RBM20: variants seen among roughly 807,000 people sequenced by gnomAD.
RBM20 encodes the protein RNA binding motif protein 20.
Under a neutral mutation model 110.1 loss-of-function variants are expected in RBM20, and 51 were observed. That is an observed-to-expected ratio of 0.46 (90% CI 0.37 to 0.59). RBM20 has a LOEUF of 0.59. Ranked by LOEUF, RBM20 falls within the 20% of genes least tolerant of loss-of-function variation. RBM20 has a pLI of 0.00. For synonymous variants in RBM20, 589 were observed against 618.2 expected (o/e 0.95, Z 0.70); for missense variants, 1,512 against 1,574.9 (o/e 0.96, Z 0.68).
intron 1 of RBM20, among the ~76,000 whole-genome samples, chr10:110,716,951 A>C (rs1436619679): frequency 6.6e-6 from 1 of 152,152 alleles, no homozygotes; most frequent in Non-Finnish European, 1.5e-5. Flanking sequence ...AAAACATGGA[A>C]AATTTGAATT....
At chr10:110,785,478 C>A (rs769733512) in intron 5 of RBM20, among the ~76,000 whole-genome samples, 1 of 152,140 alleles carries the variant, frequency 6.6e-6, no homozygotes, top group Non-Finnish European at 1.5e-5. Context: ...ATCACTTGAA[C>A]CCGGGAGGCA....
chr10:110,692,865 T>G (rs1484374397), intron 1 of RBM20, among the ~76,000 whole-genome samples: 2 of 150,736 alleles, frequency 1.3e-5, no homozygotes, highest in African/African-American at 4.8e-5. Flanking sequence ...TTTTGTTTTG[T>G]TTTACCATTG....
chr10:110,761,848 T>C (rs1436238565), intron 1 of RBM20, among the ~76,000 whole-genome samples: 2 of 152,226 alleles, frequency 1.3e-5, no homozygotes, highest in Non-Finnish European at 2.9e-5. Flanking sequence ...GGGGGCCAGG[T>C]GTGCCATGTG....
intron 10 of RBM20, among the ~76,000 whole-genome samples, chr10:110,820,382 A>G (rs1235149850): frequency 2.0e-5 from 3 of 152,158 alleles, no homozygotes; most frequent in African/African-American, 4.8e-5. Context: ...ATCTTTACCC[A>G]CATGTCTGGG....
intron 7 of RBM20, among the ~76,000 whole-genome samples, chr10:110,800,672 C>A (rs1844610924): frequency 6.6e-6 from 1 of 152,218 alleles, no homozygotes; most frequent in Non-Finnish European, 1.5e-5. Flanking sequence ...TCTCTACTCT[C>A]CTGACTTCAA....
intron 1 of RBM20, among the ~76,000 whole-genome samples, chr10:110,748,112 A>G (rs946114358): frequency 2.6e-5 from 4 of 152,130 alleles, no homozygotes; most frequent in Non-Finnish European, 5.9e-5. Context: ...AGTAGTGTTA[A>G]CTTTTTTTTT....
intron 1 of RBM20, chr10:110,761,259 A>G (rs569936567): frequency 1.3e-5 from 2 of 152,322 alleles, no homozygotes; most frequent in Non-Finnish European, 2.9e-5. Flanking sequence ...AAAAGGAAAG[A>G]AGGGAAAAAA....
chr10:110,716,366 C>T (rs1012921249), intron 1 of RBM20, among the ~76,000 whole-genome samples: 19 of 152,222 alleles, frequency 1.2e-4, no homozygotes, highest in Non-Finnish European at 2.5e-4. Context: ...GCTCTGTAGG[C>T]CTATATGGAG....
chr10:110,764,001 G>A (rs1238293676), intron 1 of RBM20, among the ~76,000 whole-genome samples: 3 of 152,052 alleles, frequency 2.0e-5, no homozygotes, highest in Admixed American at 6.5e-5. Context: ...TACCCTGGGG[G>A]CCAAAATCAT....
chr10:110,702,995 T>G (rs1404349994), intron 1 of RBM20, among the ~76,000 whole-genome samples: 1 of 147,264 alleles, frequency 6.8e-6, no homozygotes, highest in African/African-American at 2.5e-5. Flanking sequence ...TTTCTTGTTT[T>G]TTTTTTTGTT....
rs140797185 is a variant in RBM20, at chr10:110,669,150, A to G, written c.191+24505A>G. 5.5e-3 allele frequency among the ~76,000 whole-genome samples: 842 copies of G among 152,378 alleles called. 6 individuals are homozygous for G. Among genetic ancestry groups the G allele is most frequent in the Middle Eastern group, 0.014 (4 of 294 alleles). On this transcript the variant is annotated intron_variant, in intron 1 of 13. Transcript: ENST00000369519. ...AATAGCAGCAAAGCCATGATGGAGA[A>G]TAAGCAGAAGATTAATTTAAAATAC... is the stretch of plus-strand genomic sequence containing the variant.
intron 1 of RBM20, among the ~76,000 whole-genome samples, chr10:110,770,137 A>AC (rs1370488469): frequency 1.3e-5 from 2 of 152,000 alleles, no homozygotes; most frequent in African/African-American, 4.8e-5. Context: ...TTCACGCTCC[A>AC]CCCCCAGATC....
chr10:110,815,519 G>C (rs1413015741), intron 9 of RBM20, among the ~76,000 whole-genome samples: 1 of 152,222 alleles, frequency 6.6e-6, no homozygotes, highest in African/African-American at 2.4e-5. Context: ...AGGTGTCCAA[G>C]TTGCTGGTGA....
At chr10:110,752,945 A>ATATATATATATAT (rs1433992064) in intron 1 of RBM20, among the ~76,000 whole-genome samples, 6 of 109,012 alleles carry the variant, frequency 5.5e-5, no homozygotes, top group African/African-American at 1.9e-4. Context: ...ATATATATAT[A>ATATATATATATAT]TTTTTTTTTT....
At chr10:110,698,231 C>G (rs1379623911) in intron 1 of RBM20, among the ~76,000 whole-genome samples, 1 of 142,002 alleles carries the variant, frequency 7.0e-6, no homozygotes, top group African/African-American at 2.5e-5. Context: ...TTAGTTATCA[C>G]AGGCCCTATG....
chr10:110,730,847 A>G (rs1161196822), intron 1 of RBM20, among the ~76,000 whole-genome samples: 1 of 152,220 alleles, frequency 6.6e-6, no homozygotes, highest in Non-Finnish European at 1.5e-5. Flanking sequence ...ATCAGGAAGA[A>G]GGAGGAGGGA....
intron 2 of RBM20, among the ~76,000 whole-genome samples, chr10:110,782,350 G>C (rs184782433): frequency 1.8e-4 from 27 of 152,256 alleles, no homozygotes; most frequent in East Asian, 7.7e-4. Context: ...TTATTATAGA[G>C]AGCCTCAGCT....
intron 1 of RBM20, among the ~76,000 whole-genome samples, chr10:110,712,345 C>A (rs10509928): frequency 0.1 from 15,919 of 152,226 alleles, 935 homozygotes; most frequent in South Asian, 0.15. Context: ...CAGTAGTAAT[C>A]ATTGTGAACA....
chr10:110,741,815 C>A lies in RBM20; in HGVS notation c.192-38986C>A, dbSNP rs964006282. 9.9e-5 allele frequency among the ~76,000 whole-genome samples: 15 copies of A among 151,892 alleles called. No individual in the cohort carries two copies. In the East Asian group the frequency reaches 1.9e-3, roughly 20 times the overall value. ...CCCCTCCAGGACCAGAGTACATGAC[C>A]CCCCTCCCTCCCCAGGAGAGCCCTG... On this transcript the variant is annotated intron_variant, in intron 1 of 13. Coordinates refer to ENST00000369519, the MANE Select transcript of RBM20 (RefSeq NM_001134363.3).
Sources: gnomAD v4.1 joint callset for allele counts (sites outside exome capture counted in the v4.1 genomes callset) on GRCh38, gnomAD v4.1.1 for gene constraint, MANE v1.5 for transcripts, NCBI Gene and HGNC (gene_info 2026-07-23, HGNC 2026-07-21) for gene names.